Variants in MCC observed in about 807,000 individuals in gnomAD.
The protein encoded by MCC is colorectal mutant cancer protein.
In MCC, 90 loss-of-function variants were observed where a neutral mutation model predicts 116.2. That is an observed-to-expected ratio of 0.77 (90% CI 0.65 to 0.92). The LOEUF is 0.92. Ranked by LOEUF, MCC falls within the 40% of genes least tolerant of loss-of-function variation. The pLI is 0.00. For missense variants in MCC, 1,516 were observed against 1,312.2 expected (o/e 1.16, Z -2.40); for synonymous variants, 578 against 510.5 (o/e 1.13, Z -1.78).
chr5:113,423,380 A>G (rs1561563330), intron 1 of MCC, among the ~76,000 whole-genome samples: 2 of 152,220 alleles, frequency 1.3e-5, no homozygotes, highest in Admixed American at 6.5e-5. Context: ...GTCTTTAAAA[A>G]GAACCTATAC....
intron 14 of MCC, among the ~76,000 whole-genome samples, chr5:113,061,254 G>A (rs1161820525): frequency 6.6e-6 from 1 of 152,176 alleles, no homozygotes; most frequent in African/African-American, 2.4e-5. Flanking sequence ...GCTGAGACAA[G>A]GGACTCAATT....
At chr5:113,223,089 A>G (rs1259201475) in intron 3 of MCC, among the ~76,000 whole-genome samples, 1 of 152,198 alleles carries the variant, frequency 6.6e-6, no homozygotes, top group East Asian at 1.9e-4. Flanking sequence ...GGACGGTGAC[A>G]CACGTATAAA....
Position 113,402,311 on chromosome 5 carries a change from AC to A in MCC, c.171-17100del, listed in dbSNP as rs1273716270. 1.1e-3 allele frequency among the ~76,000 whole-genome samples: 155 copies of A among 135,558 alleles called. 1 individual carries two copies. The highest frequency in any genetic ancestry group is 1.6e-3 in the Non-Finnish European group (93 of 59,918). 88.9% of individuals were successfully genotyped at this position (135,558 alleles called of 152,430 possible). A position where few individuals can be genotyped will look rare whatever the true frequency, so the allele number is the denominator to read the frequency against. On this transcript the variant is annotated intron_variant, in intron 1 of 18. Transcript: ENST00000408903. ...TCCGTCTCAAAAAAAAAAAAAAAAAACACACTCAGCTAATTTTTTTAATTCT... is the reference window on the plus strand; with the variant it reads ...TCCGTCTCAAAAAAAAAAAAAAAAAAACACTCAGCTAATTTTTTTAATTCT...
At chr5:113,094,471 T>C (rs954210104) in intron 8 of MCC, among the ~76,000 whole-genome samples, 1 of 150,734 alleles carries the variant, frequency 6.6e-6, no homozygotes, top group Non-Finnish European at 1.5e-5. Context: ...CCTAGGCTGG[T>C]GTGCAGTGGC....
intron 1 of MCC, among the ~76,000 whole-genome samples, chr5:113,485,065 C>A (rs991391445): frequency 6.6e-6 from 1 of 152,106 alleles, no homozygotes; most frequent in African/African-American, 2.4e-5. Context: ...GGCTAAAGTT[C>A]CTTGGCAGAA....
At chr5:113,177,853 T>C (rs1273265392) in intron 3 of MCC, among the ~76,000 whole-genome samples, 1 of 152,246 alleles carries the variant, frequency 6.6e-6, no homozygotes, top group Non-Finnish European at 1.5e-5. Context: ...AGTTAATGTA[T>C]CATACTTAAT....
chr5:113,245,121 G>A (rs375135334), intron 3 of MCC, among the ~76,000 whole-genome samples: 22 of 151,952 alleles, frequency 1.4e-4, no homozygotes, highest in African/African-American at 4.3e-4. Flanking sequence ...ATGAAACCCC[G>A]TCTCTGCTAA....
Position 113,434,576 on chromosome 5 carries a change from G to C in MCC, c.171-49364C>G, listed in dbSNP as rs780965734. ...CGCCCTGGACCGCGAGCTCCATGAC[G>C]ATGTAGACCTTGCCATGTGATGTCT... is the stretch of plus-strand genomic sequence containing the variant. On this transcript the variant is annotated intron_variant, in intron 1 of 18. Coordinates refer to ENST00000408903, the MANE Select transcript of MCC (RefSeq NM_001085377.2). The surrounding 1 kb of genome is among the most constrained non-coding windows in gnomAD (Gnocchi z 4.2). 1.2e-6 allele frequency: 2 copies of C among 1,613,832 alleles called. No individual in the cohort carries two copies. Among genetic ancestry groups the C allele is most frequent in the Non-Finnish European group, 1.7e-6 (2 of 1,179,824 alleles).
At chr5:113,131,863 G>A (rs1758452557) in intron 5 of MCC, among the ~76,000 whole-genome samples, 1 of 152,088 alleles carries the variant, frequency 6.6e-6, no homozygotes, top group Non-Finnish European at 1.5e-5. Context: ...TAGAGGGGTG[G>A]GAATGGTATC....
intron 3 of MCC, among the ~76,000 whole-genome samples, chr5:113,292,049 G>A (rs2150361410): frequency 6.6e-6 from 1 of 152,196 alleles, no homozygotes; most frequent in African/African-American, 2.4e-5. Flanking sequence ...GGCCAACATA[G>A]CGAAACCTCT....
At chr5:113,262,068 G>C (rs749653769) in intron 3 of MCC, among the ~76,000 whole-genome samples, 1 of 151,918 alleles carries the variant, frequency 6.6e-6, no homozygotes, top group South Asian at 2.1e-4. Context: ...TTTCATGAAC[G>C]TCCTAAGAGC....
chr5:113,480,281 T>A (rs1454447260), intron 1 of MCC, among the ~76,000 whole-genome samples: 1 of 152,250 alleles, frequency 6.6e-6, no homozygotes, highest in Non-Finnish European at 1.5e-5. Flanking sequence ...CAATTTTAGG[T>A]CATACATTTC....
chr5:113,160,547 C>T (rs966991006), intron 3 of MCC, among the ~76,000 whole-genome samples: 1 of 152,174 alleles, frequency 6.6e-6, no homozygotes, highest in Non-Finnish European at 1.5e-5. Flanking sequence ...AGTAACAGAG[C>T]CAGAATGAAA....
chr5:113,339,120 A>G (rs1850408), intron 3 of MCC, among the ~76,000 whole-genome samples: 81,957 of 151,212 alleles, frequency 0.54, 23,991 homozygotes, highest in African/African-American at 0.76. Flanking sequence ...CAGCTACTTG[A>G]GAGGCTGAGA....
intron 3 of MCC, among the ~76,000 whole-genome samples, chr5:113,267,030 G>A (rs561938345): frequency 6.6e-6 from 1 of 152,282 alleles, no homozygotes; most frequent in South Asian, 2.1e-4. Context: ...GCACAGACAT[G>A]ACTTGGCCAA....
chr5:113,131,658 T>C (rs1175991696), intron 5 of MCC, among the ~76,000 whole-genome samples: 2 of 152,026 alleles, frequency 1.3e-5, no homozygotes, highest in African/African-American at 4.8e-5. Flanking sequence ...CCATCGTGGC[T>C]GTGATCCCCT....
At chr5:113,463,357 G>GA (rs1430618477) in intron 1 of MCC, among the ~76,000 whole-genome samples, 11 of 152,218 alleles carry the variant, frequency 7.2e-5, no homozygotes, top group Admixed American at 7.2e-4. Flanking sequence ...CCAAAGGAGA[G>GA]ATGGGAAGGC....
chr5:113,083,655 G>A (rs886151056), intron 10 of MCC, among the ~76,000 whole-genome samples: 2 of 152,200 alleles, frequency 1.3e-5, no homozygotes, highest in African/African-American at 4.8e-5. Context: ...TGGAACTAAA[G>A]TGAAGGTTCT....
intron 3 of MCC, among the ~76,000 whole-genome samples, chr5:113,259,032 T>C (rs966979306): frequency 2.6e-5 from 4 of 151,352 alleles, no homozygotes; most frequent in African/African-American, 7.4e-5. Flanking sequence ...AACTTGTAGA[T>C]GTGTGTAAAA....
Sources: allele counts gnomAD v4.1 joint callset (sites outside exome capture counted in the v4.1 genomes callset), GRCh38; gene constraint gnomAD v4.1.1; non-coding constraint Gnocchi (gnomAD v3.1); transcripts MANE v1.5; gene names NCBI Gene and HGNC (gene_info 2026-07-23, HGNC 2026-07-21).